GRIA1: variants seen among roughly 807,000 people sequenced by gnomAD.
GRIA1 encodes the protein glutamate receptor 1.
Under a neutral mutation model 99.2 loss-of-function variants are expected in GRIA1, and 31 were observed. The ratio of observed to expected loss-of-function variants is 0.31; its 90% CI spans 0.23 to 0.42. The LOEUF is 0.42. Ranked by LOEUF, GRIA1 falls within the 10% of genes least tolerant of loss-of-function variation. The pLI is 1.00. For missense variants in GRIA1, 782 were observed against 1,157.5 expected, an observed-to-expected ratio of 0.68 and a Z score of 4.71; for synonymous variants, 438 against 432.4, an observed-to-expected ratio of 1.01 and a Z score of -0.16.
At chr5:153,682,422 T>C (rs1340774881) in intron 7 of GRIA1, among the ~76,000 whole-genome samples, 1 of 152,200 alleles carries the variant, frequency 6.6e-6, no homozygotes, top group African/African-American at 2.4e-5. Flanking sequence ...CTTCTGAACC[T>C]TCTCCTAGGC....
chr5:153,808,982 G>A (rs367789131), intron 15 of GRIA1, among the ~76,000 whole-genome samples: 27 of 152,236 alleles, frequency 1.8e-4, no homozygotes, highest in African/African-American at 6.3e-4. Flanking sequence ...GACAAATTCA[G>A]GAAGTACCAA....
At chr5:153,725,125 G>A (rs1397137875) in intron 11 of GRIA1, among the ~76,000 whole-genome samples, 4 of 152,104 alleles carry the variant, frequency 2.6e-5, no homozygotes, top group African/African-American at 9.6e-5. Context: ...TTTCAACCCA[G>A]AATTTCATAT....
chr5:153,597,842 T>TAAAA (rs372705510), intron 2 of GRIA1, among the ~76,000 whole-genome samples: 2 of 142,092 alleles, frequency 1.4e-5, no homozygotes, highest in East Asian at 4.1e-4. Context: ...ACCCCGTCTC[T>TAAAA]AAAAAAAAAA....
intron 5 of GRIA1, among the ~76,000 whole-genome samples, chr5:153,656,667 G>A (rs886943712): frequency 5.9e-5 from 9 of 151,640 alleles, no homozygotes; most frequent in Non-Finnish European, 8.8e-5. Context: ...TTTTTATTTG[G>A]TGTTTAGCCC....
intron 2 of GRIA1, among the ~76,000 whole-genome samples, chr5:153,622,233 G>C (rs1767121373): frequency 6.6e-6 from 1 of 152,176 alleles, no homozygotes; most frequent in South Asian, 2.1e-4. Flanking sequence ...GCACACTTAA[G>C]TGTGAGAACC....
intron 11 of GRIA1, among the ~76,000 whole-genome samples, chr5:153,747,412 C>T (rs1395663334): frequency 6.6e-6 from 1 of 152,180 alleles, no homozygotes; most frequent in African/African-American, 2.4e-5. Flanking sequence ...CAGGCCCCAC[C>T]TCCAACATTG....
chr5:153,591,222 A>T (rs1414327193), intron 2 of GRIA1, among the ~76,000 whole-genome samples: 1 of 152,152 alleles, frequency 6.6e-6, no homozygotes, highest in African/African-American at 2.4e-5. Context: ...TATACCAGGA[A>T]TTTCTTCCTG....
chr5:153,709,219 T>C (rs1014158709), intron 11 of GRIA1, among the ~76,000 whole-genome samples: 1 of 152,234 alleles, frequency 6.6e-6, no homozygotes, highest in East Asian at 1.9e-4. Flanking sequence ...AGCACTATGT[T>C]AGACACTCTG....
intron 5 of GRIA1, among the ~76,000 whole-genome samples, chr5:153,661,178 G>T (rs1342884554): frequency 1.3e-5 from 2 of 152,134 alleles, no homozygotes; most frequent in African/African-American, 4.8e-5. Context: ...TTTCTTCAGT[G>T]CCTCTCTTCC....
chr5:153,633,180 T>C (rs1753102477), intron 2 of GRIA1, among the ~76,000 whole-genome samples: 1 of 152,208 alleles, frequency 6.6e-6, no homozygotes, highest in Non-Finnish European at 1.5e-5. Flanking sequence ...CTAGTACATT[T>C]GCTTCATTTT....
At chr5:153,791,348 T>C (rs75030892) in intron 13 of GRIA1, among the ~76,000 whole-genome samples, 6,458 of 152,034 alleles carry the variant, frequency 0.042, 423 homozygotes, top group African/African-American at 0.14. Context: ...AGTTGTGAAT[T>C]AGCATCTTAT....
intron 15 of GRIA1, among the ~76,000 whole-genome samples, chr5:153,808,278 G>A (rs1766573687): frequency 6.6e-6 from 1 of 152,102 alleles, no homozygotes; most frequent in Non-Finnish European, 1.5e-5. Context: ...CCACCCTCAA[G>A]GATGAACTTT....
chr5:153,684,023 C>T (rs1034813312), intron 7 of GRIA1, among the ~76,000 whole-genome samples: 8 of 152,118 alleles, frequency 5.3e-5, no homozygotes, highest in African/African-American at 7.2e-5. Context: ...GCCTGTGTTT[C>T]GGCGAACACT....
At chr5:153,661,353 T>A (rs996613164) in intron 5 of GRIA1, among the ~76,000 whole-genome samples, 28 of 152,168 alleles carry the variant, frequency 1.8e-4, no homozygotes, top group African/African-American at 6.3e-4. Context: ...CTTTTCTGAG[T>A]TTTTGTTGCC....
chr5:153,745,121 A>G lies in GRIA1; in HGVS notation c.1824-19313A>G, dbSNP rs1581584044. ...CAGAACCTTTGCTCTTCCTGTTTCC[A>G]CTGTCTAGAGTGTGTTCCTCTAGAT... On this transcript the variant is annotated intron_variant, in intron 11 of 15. Coordinates refer to ENST00000285900, the MANE Select transcript of GRIA1 (RefSeq NM_000827.4). Among the ~76,000 whole-genome samples, 2 of 152,270 alleles carry G rather than the reference A, an allele frequency of 1.3e-5. 1 individual carries two copies. The highest frequency in any genetic ancestry group is 4.8e-5 in the African/African-American group (2 of 41,560).
At chr5:153,551,964 C>T (rs1046461538) in intron 2 of GRIA1, among the ~76,000 whole-genome samples, 1 of 152,150 alleles carries the variant, frequency 6.6e-6, no homozygotes, top group African/African-American at 2.4e-5. Context: ...CCCCCTCATC[C>T]TCTCCGAAGC....
At chr5:153,595,304 C>T (rs1304829612) in intron 2 of GRIA1, among the ~76,000 whole-genome samples, 1 of 152,116 alleles carries the variant, frequency 6.6e-6, no homozygotes, top group African/African-American at 2.4e-5. Context: ...TCAGAGAGTT[C>T]CCAAATACTC....
chr5:153,571,747 T>C (rs936542498), intron 2 of GRIA1, among the ~76,000 whole-genome samples: 1 of 152,022 alleles, frequency 6.6e-6, no homozygotes, highest in Non-Finnish European at 1.5e-5. Flanking sequence ...AGAAAGCATA[T>C]TATTTTATTA....
At chr5:153,556,195 TA>T (rs1760625560) in intron 2 of GRIA1, among the ~76,000 whole-genome samples, 1 of 152,232 alleles carries the variant, frequency 6.6e-6, no homozygotes, top group Non-Finnish European at 1.5e-5. Context: ...ATTGTTGAAC[TA>T]CACGGTGTTT....
Sources: gnomAD v4.1 joint callset for allele counts (sites outside exome capture counted in the v4.1 genomes callset) on GRCh38, gnomAD v4.1.1 for gene constraint, MANE v1.5 for transcripts, NCBI Gene and HGNC (gene_info 2026-07-23, HGNC 2026-07-21) for gene names.